Variants in TEKTIP1 observed in about 807,000 individuals in gnomAD.
TEKTIP1 encodes tektin bundle interacting protein 1.
chr19:3,543,029 G>T, the TEKTIP1 span: 1 of 1,605,836 alleles, frequency 6.2e-7, no homozygotes, highest in Non-Finnish European at 8.5e-7. Context: ...TGCGATGTGT[G>T]GGGAGAGGGG....
the TEKTIP1 span, among the ~76,000 whole-genome samples, chr19:3,540,963 G>A: frequency 6.6e-6 from 1 of 151,464 alleles, no homozygotes; most frequent in African/African-American, 2.4e-5. Context: ...GAGGTCAGGA[G>A]ATCAAGACCA....
the TEKTIP1 span, chr19:3,539,237 C>T: frequency 1.8e-5 from 28 of 1,550,300 alleles, no homozygotes; most frequent in Non-Finnish European, 2.4e-5. Context: ...CCCTCGAGGC[C>T]AGCTTCCCAG....
chr19:3,541,242 A>G, the TEKTIP1 span, among the ~76,000 whole-genome samples: 33 of 151,156 alleles, frequency 2.2e-4, no homozygotes, highest in African/African-American at 7.3e-4. Flanking sequence ...AGGCTGAGGT[A>G]GGAGGATCGC....
chr19:3,543,266 TGGCCACCAGCCATCAGGCA>T, the TEKTIP1 span: 1 of 1,547,186 alleles, frequency 6.5e-7, no homozygotes, highest in Non-Finnish European at 8.7e-7. Flanking sequence ...GGGTTCCCGC[TGGCCACCAGCCATCAGGCA>T]GGCCACACGC....
At chr19:3,543,776 C>T in the TEKTIP1 span, 3 of 1,490,678 alleles carry the variant, frequency 2.0e-6, no homozygotes, top group Non-Finnish European at 2.7e-6. Flanking sequence ...GAGCCCCTTG[C>T]TGGCCAACGG....
At chr19:3,543,777 T>G in the TEKTIP1 span, 1 of 1,491,020 alleles carries the variant, frequency 6.7e-7, no homozygotes, top group Non-Finnish European at 9.0e-7. Flanking sequence ...AGCCCCTTGC[T>G]GGCCAACGGC....
chr19:3,542,979 T>C, the TEKTIP1 span: 1 of 1,569,116 alleles, frequency 6.4e-7, no homozygotes, highest in Non-Finnish European at 8.7e-7. Context: ...CAAGAAAAGC[T>C]GAGAACAGAA....
At chr19:3,541,721 G>T in the TEKTIP1 span, 14 of 985,272 alleles carry the variant, frequency 1.4e-5, no homozygotes, top group Admixed American at 1.2e-4. Flanking sequence ...CTGCTCCTGG[G>T]AGGAAACACC....
At chr19:3,543,351 T>G in the TEKTIP1 span, 35 of 1,549,368 alleles carry the variant, frequency 2.3e-5, no homozygotes, top group Non-Finnish European at 3.0e-5. Flanking sequence ...TACACAGGCC[T>G]GACCAACTCG....
chr19:3,543,096 A>C, the TEKTIP1 span: 1 of 1,551,478 alleles, frequency 6.4e-7, no homozygotes, highest in Non-Finnish European at 8.7e-7. Flanking sequence ...GGGCTGAAGG[A>C]CAGACTCCAA....
the TEKTIP1 span, chr19:3,541,969 C>G: frequency 2.5e-6 from 1 of 403,758 alleles, no homozygotes; most frequent in African/African-American, 2.2e-5. Flanking sequence ...ATCACCACAC[C>G]TGACTAATTT....
At chr19:3,542,910 G>A in the TEKTIP1 span, 1 of 1,433,306 alleles carries the variant, frequency 7.0e-7, no homozygotes, top group Non-Finnish European at 9.4e-7. Flanking sequence ...GCTGGACAAG[G>A]ACTGTAGGAA....
At chr19:3,541,332 T>C in the TEKTIP1 span, among the ~76,000 whole-genome samples, 1 of 150,044 alleles carries the variant, frequency 6.7e-6, no homozygotes, top group African/African-American at 2.4e-5. Context: ...CAAGACTGTC[T>C]CAAAAAAAAA....
chr19:3,543,401 G>A, the TEKTIP1 span: 1 of 1,548,232 alleles, frequency 6.5e-7, no homozygotes, highest in Non-Finnish European at 8.7e-7. Context: ...ACGGGCCCCG[G>A]CCAGCCCCTT....
the TEKTIP1 span, chr19:3,544,030 A>T: frequency 6.6e-7 from 1 of 1,517,808 alleles, no homozygotes; most frequent in Non-Finnish European, 8.9e-7. Context: ...ACCAGGATGC[A>T]CCCACTGTCT....
At chr19:3,542,860 A>G in the TEKTIP1 span, 1 of 1,384,792 alleles carries the variant, frequency 7.2e-7, no homozygotes, top group East Asian at 4.3e-5. Flanking sequence ...CCTCCAGGCC[A>G]GGGGGGCTTC....
At chr19:3,543,648 G>A in the TEKTIP1 span, 3 of 1,543,464 alleles carry the variant, frequency 1.9e-6, no homozygotes, top group Non-Finnish European at 2.6e-6. Flanking sequence ...AGCGCGCTGT[G>A]GAAAGACAGG....
At chr19:3,540,833 C>T in the TEKTIP1 span, among the ~76,000 whole-genome samples, 5 of 136,738 alleles carry the variant, frequency 3.7e-5, no homozygotes, top group African/African-American at 8.4e-5. Flanking sequence ...GAGCCGAGAT[C>T]GTGCCACTGG....
chr19:3,543,437 A>G, the TEKTIP1 span: 1 of 1,545,034 alleles, frequency 6.5e-7, no homozygotes, highest in Non-Finnish European at 8.7e-7. Flanking sequence ...CCGCTGGCAC[A>G]GCTGCTACCA....
Sources: gnomAD v4.1 joint callset for allele counts (sites outside exome capture counted in the v4.1 genomes callset) on GRCh38, gnomAD v4.1.1 for gene constraint, MANE v1.5 for transcripts, NCBI Gene and HGNC (gene_info 2026-07-23, HGNC 2026-07-21) for gene names.